The following HNF4G variants were observed in gnomAD, a reference collection of about 807,000 sequenced individuals.
The protein encoded by HNF4G is hepatocyte nuclear factor 4 gamma.
HNF4G carries 21 observed loss-of-function variants against 50.9 expected under a neutral mutation model. The observed-to-expected ratio is 0.41, with a 90% CI of 0.29 to 0.59. The LOEUF (loss-of-function observed/expected upper bound fraction) is 0.59, where lower values mean the gene tolerates loss of function less well. Among genes scored for constraint, HNF4G ranks in the 20% least tolerant of loss-of-function variants. HNF4G has a pLI of 0.26. For synonymous variants in HNF4G, 198 were observed against 185.6 expected (o/e 1.07, Z -0.54); for missense variants, 527 against 559.4 (o/e 0.94, Z 0.58).
At chr8:75,507,386 G>T (rs1047781861) in intron 2 of HNF4G, among the ~76,000 whole-genome samples, 1 of 151,006 alleles carries the variant, frequency 6.6e-6, no homozygotes, top group South Asian at 2.1e-4. Context: ...ACAGCCTCCC[G>T]AGTAGCTGGG....
chr8:75,536,998 G>A (rs746162933), upstream of HNF4G, among the ~76,000 whole-genome samples: 1 of 152,048 alleles, frequency 6.6e-6, no homozygotes, highest in Admixed American at 6.6e-5. Context: ...ATCAATATAA[G>A]AGAGCCTGTA....
chr8:75,558,134 G>A (rs1307518769), intron 6 of HNF4G, among the ~76,000 whole-genome samples: 2 of 152,026 alleles, frequency 1.3e-5, no homozygotes, highest in Non-Finnish European at 2.9e-5. Flanking sequence ...TTTTTAATCC[G>A]CTGTAAACAA....
At chr8:75,523,174 G>C (rs1034256274) in intron 2 of HNF4G, among the ~76,000 whole-genome samples, 1 of 151,914 alleles carries the variant, frequency 6.6e-6, no homozygotes, top group Non-Finnish European at 1.5e-5. Context: ...GCAGTGAGCC[G>C]AGATCGCGCC....
chr8:75,431,872 G>A (rs567454328), intron 1 of HNF4G, among the ~76,000 whole-genome samples: 2 of 151,768 alleles, frequency 1.3e-5, no homozygotes, highest in East Asian at 3.9e-4. Context: ...TTTGCAGTGA[G>A]CCAAGATCGC....
intron 1 of HNF4G, among the ~76,000 whole-genome samples, chr8:75,467,287 C>T (rs1273223047): frequency 6.6e-6 from 1 of 152,148 alleles, no homozygotes; most frequent in Non-Finnish European, 1.5e-5. Context: ...TTCTGCTGTC[C>T]TTAACCTGCA....
intron 1 of HNF4G, among the ~76,000 whole-genome samples, chr8:75,458,659 T>C (rs991419982): frequency 1.3e-5 from 2 of 152,174 alleles, no homozygotes; most frequent in African/African-American, 4.8e-5. Flanking sequence ...CTGGTACATG[T>C]GAATTGAATT....
At chr8:75,537,886 T>A (rs1806511096), upstream of HNF4G, among the ~76,000 whole-genome samples, 1 of 152,168 alleles carries the variant, frequency 6.6e-6, no homozygotes, top group Admixed American at 6.5e-5. Flanking sequence ...TATCTTTTTA[T>A]GACTTTCTGT....
At chr8:75,439,029 G>T (rs1481130925) in intron 1 of HNF4G, among the ~76,000 whole-genome samples, 1 of 151,688 alleles carries the variant, frequency 6.6e-6, no homozygotes, top group Non-Finnish European at 1.5e-5. Flanking sequence ...TGTATTCATT[G>T]TATATTTAAC....
intron 1 of HNF4G, among the ~76,000 whole-genome samples, chr8:75,488,253 T>C (rs942430456): frequency 6.6e-6 from 1 of 152,100 alleles, no homozygotes; most frequent in African/African-American, 2.4e-5. Flanking sequence ...AAATTGGTCA[T>C]TGGACTTTTT....
chr8:75,465,005 A>G (rs1011885462), intron 1 of HNF4G, among the ~76,000 whole-genome samples: 1 of 152,176 alleles, frequency 6.6e-6, no homozygotes, highest in Non-Finnish European at 1.5e-5. Context: ...GAATAGAGGC[A>G]CAACAGTGTC....
intron 2 of HNF4G, among the ~76,000 whole-genome samples, chr8:75,544,421 A>T (rs969455930): frequency 6.6e-6 from 1 of 152,094 alleles, no homozygotes; most frequent in Non-Finnish European, 1.5e-5. Context: ...ATTTTTCTTC[A>T]TGTTTATTTT....
chr8:75,529,047 G>C (rs188783286), intron 2 of HNF4G, among the ~76,000 whole-genome samples: 1 of 152,058 alleles, frequency 6.6e-6, no homozygotes, highest in Non-Finnish European at 1.5e-5. Flanking sequence ...AGCACTTTGG[G>C]AGGCCGAGAC....
chr8:75,558,562 A>G lies in HNF4G; in HGVS notation c.778A>G (p.Ser260Gly). Residue 260 changes from serine (S) to glycine (G), a missense_variant, in exon 7 of 10, where the codon AGC becomes GGC. Physicochemically the swap from Ser to Gly is moderately conservative, Grantham distance 56 (BLOSUM62 0). Transcript: ENST00000396423. ...CCGCAACAGCTGTGAAGTTGAGATT[A>G]GCCGTGTGGCCAATCGTGTTCTAGA... ...IHRNSCEVEI[S>G]RVANRVLDEL... The G allele has an allele frequency of 6.2e-7, 1 of 1,613,650 alleles. No homozygotes were observed. Among genetic ancestry groups the G allele is most frequent in the Non-Finnish European group, 8.5e-7 (1 of 1,179,594 alleles).
intron 1 of HNF4G, among the ~76,000 whole-genome samples, chr8:75,470,068 A>T (rs1234873842): frequency 1.3e-5 from 2 of 152,168 alleles, no homozygotes; most frequent in Non-Finnish European, 2.9e-5. Flanking sequence ...TTACTATCTG[A>T]ATATCACCTA....
intron 1 of HNF4G, among the ~76,000 whole-genome samples, chr8:75,454,651 G>T (rs528138957): frequency 9.9e-5 from 15 of 152,234 alleles, no homozygotes; most frequent in Admixed American, 6.5e-4. Flanking sequence ...ATTTGCTCAG[G>T]TCTCTTAAGT....
chr8:75,436,085 C>T (rs1024384171), intron 1 of HNF4G, among the ~76,000 whole-genome samples: 9 of 151,876 alleles, frequency 5.9e-5, no homozygotes, highest in Admixed American at 3.9e-4. Context: ...TTATAAGGTA[C>T]CTCAGAATAA....
chr8:75,477,993 TGA>T (rs1294337775), intron 1 of HNF4G, among the ~76,000 whole-genome samples: 1 of 151,230 alleles, frequency 6.6e-6, no homozygotes, highest in Non-Finnish European at 1.5e-5. Flanking sequence ...AAAAAAATTA[TGA>T]TGCATTAGCT....
intron 2 of HNF4G, among the ~76,000 whole-genome samples, chr8:75,492,402 A>T (rs1387767291): frequency 3.9e-5 from 6 of 152,226 alleles, no homozygotes; most frequent in Admixed American, 2.0e-4. Context: ...TTAATGAAAG[A>T]TTAAAGGAGA....
At chr8:75,514,812 CTTTA>C (rs1190795283) in intron 2 of HNF4G, among the ~76,000 whole-genome samples, 1 of 151,824 alleles carries the variant, frequency 6.6e-6, no homozygotes, top group Non-Finnish European at 1.5e-5. Flanking sequence ...TTTATGATTT[CTTTA>C]TTCTTTTTCA....
Sources: gnomAD v4.1 joint callset for allele counts (sites outside exome capture counted in the v4.1 genomes callset) on GRCh38, gnomAD v4.1.1 for gene constraint, MANE v1.5 for transcripts, NCBI Gene and HGNC (gene_info 2026-07-23, HGNC 2026-07-21) for gene names.